PMFBP1: variants seen among roughly 807,000 people sequenced by gnomAD.
The protein encoded by PMFBP1 is polyamine-modulated factor 1-binding protein 1.
A neutral mutation model predicts 137.8 loss-of-function variants in PMFBP1; 131 were observed. The observed-to-expected ratio is 0.95, with a 90% CI of 0.82 to 1.10. The LOEUF (loss-of-function observed/expected upper bound fraction) is 1.10, where lower values mean the gene tolerates loss of function less well. Ranked by LOEUF, PMFBP1 falls within the 50% of genes least tolerant of loss-of-function variation. PMFBP1 has a pLI of 0.00. For synonymous variants in PMFBP1, 490 were observed against 450.4 expected (o/e 1.09, Z -1.11); for missense variants, 1,199 against 1,175.4 (o/e 1.02, Z -0.29).
At chr16:72,228,194 C>T in the PMFBP1 span, among the ~76,000 whole-genome samples, 1 of 152,060 alleles carries the variant, frequency 6.6e-6, no homozygotes, top group Non-Finnish European at 1.5e-5. Flanking sequence ...CTCCCACCGT[C>T]GTTGACATAG....
intron 2 of PMFBP1, among the ~76,000 whole-genome samples, chr16:72,166,791 T>C (rs1455620530): frequency 6.6e-6 from 1 of 152,218 alleles, no homozygotes; most frequent in East Asian, 1.9e-4. Flanking sequence ...GGCCATCCCA[T>C]GGGTTATAAG....
At chr16:72,235,242 C>T in the PMFBP1 span, among the ~76,000 whole-genome samples, 1 of 152,006 alleles carries the variant, frequency 6.6e-6, no homozygotes, top group Non-Finnish European at 1.5e-5. Context: ...CATGAATATC[C>T]AGTTTTTCCA....
chr16:72,223,516 T>C, the PMFBP1 span, among the ~76,000 whole-genome samples: 2 of 152,218 alleles, frequency 1.3e-5, no homozygotes, highest in African/African-American at 4.8e-5. Context: ...GTGTTCCTTA[T>C]GACCAGTCAG....
the PMFBP1 span, among the ~76,000 whole-genome samples, chr16:72,249,856 G>C: frequency 6.8e-6 from 1 of 147,170 alleles, no homozygotes; most frequent in Non-Finnish European, 1.5e-5. Context: ...GGGAGGCAGA[G>C]GTTGCACTGA....
the PMFBP1 span, among the ~76,000 whole-genome samples, chr16:72,192,488 T>C: frequency 3.0e-4 from 46 of 152,178 alleles, no homozygotes; most frequent in African/African-American, 1.0e-3. Context: ...GCAATATGGA[T>C]GGAATTAAAG....
the PMFBP1 span, among the ~76,000 whole-genome samples, chr16:72,195,748 T>A: frequency 5.3e-5 from 8 of 152,248 alleles, no homozygotes; most frequent in East Asian, 1.2e-3. Flanking sequence ...AGCTTGTACT[T>A]AAACCTCAGC....
intron 2 of PMFBP1, among the ~76,000 whole-genome samples, chr16:72,165,473 G>A (rs1057293026): frequency 1.1e-4 from 16 of 150,462 alleles, no homozygotes; most frequent in Admixed American, 8.6e-4. Flanking sequence ...GAAGTGCAGC[G>A]GCACGATCTA....
At chr16:72,182,351 C>T in the PMFBP1 span, among the ~76,000 whole-genome samples, 1 of 152,064 alleles carries the variant, frequency 6.6e-6, no homozygotes, top group South Asian at 2.1e-4. Flanking sequence ...CAAAAGTGAG[C>T]CAGGCATGGT....
At chr16:72,135,076 T>C (rs1375587445) in intron 9 of PMFBP1, among the ~76,000 whole-genome samples, 2 of 152,192 alleles carry the variant, frequency 1.3e-5, no homozygotes, top group African/African-American at 4.8e-5. Context: ...TGCCTTGTCA[T>C]CATCTCTCCA....
the PMFBP1 span, among the ~76,000 whole-genome samples, chr16:72,185,181 G>A: frequency 6.6e-6 from 1 of 152,028 alleles, no homozygotes; most frequent in Non-Finnish European, 1.5e-5. Context: ...GCACCATCAG[G>A]CTTGGCTAAT....
the PMFBP1 span, among the ~76,000 whole-genome samples, chr16:72,191,528 C>G: frequency 6.6e-6 from 1 of 152,186 alleles, no homozygotes; most frequent in Non-Finnish European, 1.5e-5. Flanking sequence ...AATGATTTAG[C>G]TATTTAGGAG....
In PMFBP1 at chr16:72,128,642, T is replaced by A. The variant is rs748298870; in HGVS notation, c.2088+15A>T. 8.7e-6 allele frequency: 14 copies of A among 1,613,754 alleles called. No individual in the cohort carries two copies. Among genetic ancestry groups the A allele is most frequent in the Non-Finnish European group, 1.2e-5 (14 of 1,179,940 alleles). ...GTTCAAATTCCTCACTCCCTTGGGG[T>A]TCCTGTCTACTCACCTCTTTATTCA... On this transcript the variant is annotated intron_variant, in intron 14 of 20. Coordinates refer to ENST00000237353, the MANE Select transcript of PMFBP1 (RefSeq NM_031293.3).
chr16:72,199,559 C>G, the PMFBP1 span, among the ~76,000 whole-genome samples: 1 of 147,290 alleles, frequency 6.8e-6, no homozygotes, highest in African/African-American at 2.5e-5. Context: ...GAGGCTGAGG[C>G]AGGAGAATCG....
chr16:72,161,094 CTTTTTTTTTT>C (rs35611285), intron 3 of PMFBP1, among the ~76,000 whole-genome samples: 2 of 124,948 alleles, frequency 1.6e-5, no homozygotes, highest in Admixed American at 8.2e-5. Context: ...TTATCTGTTA[CTTTTTTTTTT>C]TTTTTTTTTT....
chr16:72,137,106 T>G (rs1567627401), intron 7 of PMFBP1, among the ~76,000 whole-genome samples: 1 of 152,120 alleles, frequency 6.6e-6, no homozygotes, highest in Non-Finnish European at 1.5e-5. Flanking sequence ...CCCAATGAAA[T>G]TTTTTTAAAA....
chr16:72,196,411 A>G, the PMFBP1 span, among the ~76,000 whole-genome samples: 29 of 152,180 alleles, frequency 1.9e-4, no homozygotes, highest in East Asian at 5.4e-3. Context: ...TAACACTGCC[A>G]TCTTTGACGC....
At chr16:72,180,257 A>T (rs935727350), upstream of PMFBP1, among the ~76,000 whole-genome samples, 1 of 152,224 alleles carries the variant, frequency 6.6e-6, no homozygotes, top group South Asian at 2.1e-4. Flanking sequence ...CCCTTCCTAC[A>T]TGGGACTGGT....
intron 8 of PMFBP1, 41 bp from the exon 9 acceptor site, chr16:72,136,646 T>C: frequency 6.2e-7 from 1 of 1,614,064 alleles, no homozygotes; most frequent in Non-Finnish European, 8.5e-7. Flanking sequence ...AGGGGAGAGT[T>C]AGGCTTCCTT....
At chr16:72,232,448 G>C in the PMFBP1 span, among the ~76,000 whole-genome samples, 1 of 152,098 alleles carries the variant, frequency 6.6e-6, no homozygotes, top group African/African-American at 2.4e-5. Flanking sequence ...AGGTTAAAAA[G>C]GCTAAGAAAT....
Sources: gnomAD v4.1 joint callset for allele counts (sites outside exome capture counted in the v4.1 genomes callset) on GRCh38, gnomAD v4.1.1 for gene constraint, MANE v1.5 for transcripts, NCBI Gene and HGNC (gene_info 2026-07-23, HGNC 2026-07-21) for gene names.